The following RBBP9 variants were observed in gnomAD, a reference collection of about 807,000 sequenced individuals.
The protein encoded by RBBP9 is serine hydrolase RBBP9.
A neutral mutation model predicts 24.2 loss-of-function variants in RBBP9; 20 were observed. The ratio of observed to expected loss-of-function variants is 0.83; its 90% CI spans 0.58 to 1.20. The LOEUF (loss-of-function observed/expected upper bound fraction) is 1.20. RBBP9 is among the 50% of genes most tolerant of loss of function. The pLI is 0.00. For synonymous variants in RBBP9, 74 were observed against 84.6 expected, an observed-to-expected ratio of 0.87 and a Z score of 0.69; for missense variants, 234 against 233.6, an observed-to-expected ratio of 1.00 and a Z score of -0.01.
Position 18,489,585 on chromosome 20 carries a change from T to G in RBBP9, c.*179A>C. 1 of 546,694 alleles carries G rather than the reference T, an allele frequency of 1.8e-6. No individual in the cohort carries two copies. The highest frequency in any genetic ancestry group is 3.3e-6 in the Non-Finnish European group (1 of 307,540). 33.9% of individuals were successfully genotyped at this position (546,694 alleles called of 1,614,324 possible). ...TGGTAGTTCATAGCAATTTGGGGAG[T>G]TTTAGAGTCTATGGAAAATGGAAGT... On this transcript the variant is annotated 3_prime_UTR_variant, in exon 5 of 5. Transcript: ENST00000337227.
Position 18,489,723 on chromosome 20 carries a change from T to C in RBBP9, c.*41A>G. 7.5e-7 allele frequency: 1 copy of C among 1,330,216 alleles called. No individual in the cohort carries two copies. The highest frequency in any genetic ancestry group is 1.1e-6 in the Non-Finnish European group (1 of 928,552). 82.4% of individuals were successfully genotyped at this position (1,330,216 alleles called of 1,614,324 possible). ...AATCAGCTGATAGTAGATATTATTC[T>C]ACTCCTATATTGGGATGCAAAATAG... On this transcript the variant is annotated 3_prime_UTR_variant, in exon 5 of 5. Coordinates refer to ENST00000337227, the MANE Select transcript of RBBP9 (RefSeq NM_006606.3).
At chr20:18,495,629 C>A (rs2059883759) in intron 2 of RBBP9, among the ~76,000 whole-genome samples, 2 of 120,240 alleles carry the variant, frequency 1.7e-5, no homozygotes, top group Non-Finnish European at 3.5e-5. Flanking sequence ...ATAAAAATGA[C>A]AAATTCACAG....
At chr20:18,491,539 T>G (rs2148873449) in intron 3 of RBBP9, among the ~76,000 whole-genome samples, 1 of 152,228 alleles carries the variant, frequency 6.6e-6, no homozygotes, top group South Asian at 2.1e-4. Flanking sequence ...ATTGACTAGA[T>G]CTAGGTGAAA....
rs1055836407 is a variant in RBBP9 at position 18,488,688 on chromosome 20, T to C, written c.*1076A>G. 2.0e-5 allele frequency: 3 copies of C among 152,254 alleles called. No homozygotes were observed. Among genetic ancestry groups the C allele is most frequent in the Admixed American group, 6.5e-5 (1 of 15,290 alleles). 9.4% of individuals were successfully genotyped at this position (152,254 alleles called of 1,614,324 possible). On this transcript the variant is annotated 3_prime_UTR_variant, in exon 5 of 5. Coordinates refer to ENST00000337227, the MANE Select transcript of RBBP9 (RefSeq NM_006606.3). ...AACAGAACACGAAGTATGGAAAGGT[T>C]CTTTTTAAAAACACTTGTCTTTTGG...
chr20:18,486,552 GTA>G lies in RBBP9; in HGVS notation c.*3210_*3211del, dbSNP rs2059845309. 6.6e-6 allele frequency: 1 copy of G among 151,902 alleles called. No homozygotes were observed. 9.4% of individuals were successfully genotyped at this position (151,902 alleles called of 1,614,324 possible). On this transcript the variant is annotated 3_prime_UTR_variant, in exon 5 of 5. Transcript: ENST00000337227. ...AGAAACTTCAAGCTTTTTTCCCATG[GTA>G]TGTTTTTAATTCTGAAAATTAACTG...
In RBBP9 at chr20:18,488,056, C is replaced by T. The variant is rs1361106947; in HGVS notation, c.*1708G>A. On this transcript the variant is annotated 3_prime_UTR_variant, in exon 5 of 5. Coordinates refer to ENST00000337227, the MANE Select transcript of RBBP9 (RefSeq NM_006606.3). The stretch of plus-strand genomic sequence containing the variant: ...GGGTACCTTTCCTGATTTTTTTTGT[C>T]TAAGCACATTTAAAAACCAAGACTT... 6.6e-6 allele frequency: 1 copy of T among 151,952 alleles called. No individual in the cohort carries two copies. Among genetic ancestry groups the T allele is most frequent in the Non-Finnish European group, 1.5e-5 (1 of 67,966 alleles). The allele number at this position is 151,952 out of a possible 1,614,324, so 9.4% of individuals were successfully genotyped here. A position where few individuals can be genotyped will look rare whatever the true frequency, so the allele number is the denominator to read the frequency against.
At chr20:18,497,001 C>T (rs1220499099) in intron 1 of RBBP9, 68 bp downstream of exon 1, 2 of 1,337,898 alleles carry the variant, frequency 1.5e-6, no homozygotes, top group Non-Finnish European at 2.1e-6. Flanking sequence ...CAAACTTCAG[C>T]CCTCAGTCCT....
rs1159301155 is a variant in RBBP9 at position 18,493,949 on chromosome 20, A to T, written c.248+9T>A. 1.3e-6 allele frequency: 2 copies of T among 1,595,144 alleles called. No individual in the cohort carries two copies. Among genetic ancestry groups the T allele is most frequent in the East Asian group, 4.5e-5 (2 of 44,534 alleles). On this transcript the variant is annotated intron_variant, in intron 3 of 4. Transcript: ENST00000337227. ...CACAAAGGGGATAGCAGTTTAACAAAGATCGCACCTCATGGCCGCGATGGC... is the reference window on the plus strand; with the variant it reads ...CACAAAGGGGATAGCAGTTTAACAATGATCGCACCTCATGGCCGCGATGGC...
chr20:18,489,800 A>T lies in RBBP9; in HGVS notation c.525T>A (p.Ile175=), dbSNP rs1218289812. The change falls in exon 5 of 5, where the codon ATT becomes ATA. Residue 175 remains isoleucine, a synonymous_variant. Coordinates refer to ENST00000337227, the MANE Select transcript of RBBP9 (RefSeq NM_006606.3). The part of the protein sequence containing the change: ...HFQNTEFHEL[I]TVVKSLLKVP... The stretch of plus-strand genomic sequence containing the variant: ...CTTTCAGCAAAGACTTTACAACAGT[A>T]ATCAGTTCATGAAACTCTGTGTTCT... 5.0e-6 allele frequency: 8 copies of T among 1,613,636 alleles called. 1 individual carries two copies. In the South Asian group the frequency reaches 7.7e-5, roughly 16 times the overall value.
At chr20:18,490,753 C>T (rs1056930543) in intron 3 of RBBP9, among the ~76,000 whole-genome samples, 1 of 151,476 alleles carries the variant, frequency 6.6e-6, no homozygotes, top group African/African-American at 2.4e-5. Flanking sequence ...AATCTTGGCT[C>T]ACTGCAACCT....
chr20:18,492,785 C>T (rs1403886363), intron 3 of RBBP9, among the ~76,000 whole-genome samples: 1 of 152,150 alleles, frequency 6.6e-6, no homozygotes, highest in African/African-American at 2.4e-5. Flanking sequence ...TGCTAAGAAT[C>T]CTGCAGTGAG....
At chr20:18,496,979 T>C (rs539979608) in intron 1 of RBBP9, 90 bp downstream of exon 1, 4 of 1,025,320 alleles carry the variant, frequency 3.9e-6, no homozygotes, top group South Asian at 2.7e-5. Context: ...TAGAGGGGAT[T>C]AGACGCCTAT....
rs2148872452 is a variant in RBBP9 at position 18,488,398 on chromosome 20, T to A, written c.*1366A>T. On this transcript the variant is annotated 3_prime_UTR_variant, in exon 5 of 5. Coordinates refer to ENST00000337227, the MANE Select transcript of RBBP9 (RefSeq NM_006606.3). ...ATCCTGCCTCAGCCTCCCAAGAAGC[T>A]AGGACTACAGGTGTGCACCACCATG... 1 of 152,348 alleles carries A rather than the reference T, an allele frequency of 6.6e-6. No individual in the cohort carries two copies. The highest frequency in any genetic ancestry group is 6.5e-5 in the Admixed American group (1 of 15,292). 9.4% of individuals were successfully genotyped at this position (152,348 alleles called of 1,614,324 possible). A position where few individuals can be genotyped will look rare whatever the true frequency, so the allele number is the denominator to read the frequency against.
intron 1 of RBBP9, 110 bp downstream of exon 1, chr20:18,496,959 A>T: frequency 1.2e-6 from 1 of 844,586 alleles, no homozygotes; most frequent in Non-Finnish European, 1.9e-6. Context: ...GAAAACACAC[A>T]GGGCTTTGCT....
chr20:18,490,403 C>T lies in RBBP9; in HGVS notation c.326G>A (p.Arg109His), dbSNP rs372324175. 2.2e-5 allele frequency: 36 copies of T among 1,612,624 alleles called. No individual in the cohort carries two copies. Among genetic ancestry groups the T allele is most frequent in the South Asian group, 2.1e-4 (19 of 91,042 alleles). The stretch of plus-strand genomic sequence containing the variant: ...TCTACCTTTGGACTTACCACTTGCA[C>T]GCTCATTTTCATCCCCCAAGTCTGA... ...YTSDLGDENE[R>H]ASGYFTRPWQ... Residue 109 changes from arginine to histidine, a missense_variant, in exon 4 of 5, where the codon CGT (arginine) becomes CAT (histidine). Arg to His is a conservative substitution (Grantham distance 29). Coordinates refer to ENST00000337227, the MANE Select transcript of RBBP9 (RefSeq NM_006606.3).
At position 18,497,089 on chromosome 20, in the gene RBBP9, C is replaced by A; in HGVS notation, c.79G>T (p.Val27Leu). 6.2e-7 allele frequency: 1 copy of A among 1,614,162 alleles called. No homozygotes were observed. ...CTTACCTTCTCCAGCTCCTTTTTCA[C>A]CCAGCCATACCAGCCGTGGGTGGTC... is the stretch of plus-strand genomic sequence containing the variant. ...DVTTHGWYGW[V>L]KKELEKIPGF... The change falls in exon 1 of 5, where the codon GTG becomes TTG. Residue 27 changes from valine (V) to leucine (L), a missense_variant. Physicochemically the swap from Val to Leu is conservative, Grantham distance 32 (BLOSUM62 1). Coordinates refer to ENST00000337227, the MANE Select transcript of RBBP9 (RefSeq NM_006606.3).
Position 18,497,131 on chromosome 20 carries a change from T to C in RBBP9, c.37A>G (p.Asn13Asp). Residue 13 changes from asparagine (N) to aspartate (D), a missense_variant, in exon 1 of 5, where the codon AAC becomes GAC. Physicochemically the swap from Asn to Asp is conservative, Grantham distance 23. Coordinates refer to ENST00000337227, the MANE Select transcript of RBBP9 (RefSeq NM_006606.3). ...TGGGTGGTCACATCCCCGCCTCCGTTCCCGGGAACAATCACTGCCTTGCTA... is the reference window on the plus strand; with the variant it reads ...TGGGTGGTCACATCCCCGCCTCCGTCCCCGGGAACAATCACTGCCTTGCTA... ...SPSKAVIVPGNGGGDVTTHGW... is the reference protein window; with the variant it reads ...SPSKAVIVPGDGGGDVTTHGW... 1 of 1,614,196 alleles carries C rather than the reference T, an allele frequency of 6.2e-7. No individual in the cohort carries two copies. Among genetic ancestry groups the C allele is most frequent in the Non-Finnish European group, 8.5e-7 (1 of 1,180,018 alleles).
At chr20:18,490,540 C>A in intron 3 of RBBP9, 60 bp from the exon 4 acceptor site, 1 of 1,249,968 alleles carries the variant, frequency 8.0e-7, no homozygotes, top group Non-Finnish European at 1.2e-6. Context: ...ACCAAAAAGT[C>A]AATAAACTAC....
In RBBP9 at chr20:18,487,281, T is replaced by C. The variant is rs570111842; in HGVS notation, c.*2483A>G. 3 of 152,336 alleles carry C rather than the reference T, an allele frequency of 2.0e-5. No individual in the cohort carries two copies. The highest frequency in any genetic ancestry group is 7.2e-5 in the African/African-American group (3 of 41,578). The allele number at this position is 152,336 out of a possible 1,614,324, so 9.4% of individuals were successfully genotyped here. The stretch of plus-strand genomic sequence containing the variant: ...GTTCAACAATCCTATAGGTCTATCT[T>C]AATTACTTTTATAGGAATGAAGAGT... On this transcript the variant is annotated 3_prime_UTR_variant, in exon 5 of 5. Transcript: ENST00000337227.
Sources: gnomAD v4.1 joint callset for allele counts (sites outside exome capture counted in the v4.1 genomes callset) on GRCh38, gnomAD v4.1.1 for gene constraint, MANE v1.5 for transcripts, NCBI Gene and HGNC (gene_info 2026-07-23, HGNC 2026-07-21) for gene names.